HPSE2: variants seen among roughly 807,000 people sequenced by gnomAD.
HPSE2 encodes inactive heparanase-2.
Under a neutral mutation model 60.5 loss-of-function variants are expected in HPSE2, and 38 were observed. The ratio of observed to expected loss-of-function variants is 0.63; its 90% CI spans 0.48 to 0.82. The LOEUF (loss-of-function observed/expected upper bound fraction) is 0.82, where lower values mean the gene tolerates loss of function less well. Ranked by LOEUF, HPSE2 falls within the 40% of genes least tolerant of loss-of-function variation. The pLI is 0.00. For missense variants in HPSE2, 713 were observed against 740.4 expected, an observed-to-expected ratio of 0.96 and a Z score of 0.43; for synonymous variants, 295 against 293.2, an observed-to-expected ratio of 1.01 and a Z score of -0.06.
At chr10:99,211,002 A>G (rs968476020) in intron 2 of HPSE2, among the ~76,000 whole-genome samples, 10 of 152,182 alleles carry the variant, frequency 6.6e-5, no homozygotes, top group Non-Finnish European at 1.5e-4. Flanking sequence ...ACATAATCTT[A>G]TATCTAGAAA....
chr10:98,702,950 A>T (rs1948449661), intron 5 of HPSE2, among the ~76,000 whole-genome samples: 1 of 152,150 alleles, frequency 6.6e-6, no homozygotes, highest in African/African-American at 2.4e-5. Flanking sequence ...ATTGAAGGAG[A>T]TAGATGCATG....
chr10:98,484,811 C>T (rs962965767), intron 10 of HPSE2, among the ~76,000 whole-genome samples: 5 of 152,176 alleles, frequency 3.3e-5, no homozygotes, highest in African/African-American at 1.2e-4. Context: ...TATATGCCTA[C>T]ATGCACTAGC....
intron 3 of HPSE2, among the ~76,000 whole-genome samples, chr10:98,794,532 A>G (rs2134496962): frequency 6.6e-6 from 1 of 152,306 alleles, no homozygotes; most frequent in Non-Finnish European, 1.5e-5. Flanking sequence ...GGCATGAGCC[A>G]CTGCACCTGG....
intron 9 of HPSE2, among the ~76,000 whole-genome samples, chr10:98,495,690 C>T (rs1411426892): frequency 2.2e-5 from 3 of 138,702 alleles, no homozygotes; most frequent in African/African-American, 8.1e-5. Context: ...ATTTCAGTCA[C>T]TATATTTTTC....
chr10:99,153,018 C>T (rs1846343757), intron 2 of HPSE2, among the ~76,000 whole-genome samples: 2 of 152,204 alleles, frequency 1.3e-5, no homozygotes, highest in South Asian at 2.1e-4. Flanking sequence ...CGGGTCAATC[C>T]CATCCAAATA....
chr10:98,891,088 T>C (rs1953323756), intron 3 of HPSE2, among the ~76,000 whole-genome samples: 1 of 152,168 alleles, frequency 6.6e-6, no homozygotes, highest in African/African-American at 2.4e-5. Flanking sequence ...CTTCAAAATT[T>C]TCAGACATAG....
chr10:99,175,327 A>G (rs1847481933), intron 2 of HPSE2, among the ~76,000 whole-genome samples: 1 of 152,158 alleles, frequency 6.6e-6, no homozygotes, highest in Admixed American at 6.5e-5. Context: ...GGTCTAGCTC[A>G]GTGGATCCCA....
At position 99,180,902 on chromosome 10, in the gene HPSE2, A is replaced by C. The variant is rs1319266165; in HGVS notation, c.449-36503T>G. ...AAGACTCCATCTCAAAAAAAAAAAA[A>C]AAAAAAAAAAAAAAAACACAGATGC... On this transcript the variant is annotated intron_variant, in intron 2 of 11. Coordinates refer to ENST00000370552, the MANE Select transcript of HPSE2 (RefSeq NM_021828.5). Among the ~76,000 whole-genome samples the C allele has an allele frequency of 9.6e-4, 142 of 148,514 alleles. 2 individuals carry two copies. The highest frequency in any genetic ancestry group is 3.2e-3 in the African/African-American group (127 of 40,090).
At chr10:98,488,404 A>C (rs952309392) in intron 10 of HPSE2, among the ~76,000 whole-genome samples, 11 of 152,226 alleles carry the variant, frequency 7.2e-5, no homozygotes, top group African/African-American at 2.2e-4. Context: ...ATTAGACACC[A>C]AGAATACAAA....
intron 2 of HPSE2, among the ~76,000 whole-genome samples, chr10:99,229,132 C>A (rs1181114991): frequency 6.6e-6 from 1 of 151,714 alleles, no homozygotes; most frequent in Non-Finnish European, 1.5e-5. Flanking sequence ...CAAGATAATG[C>A]CACTGCCCTC....
intron 3 of HPSE2, among the ~76,000 whole-genome samples, chr10:98,757,949 G>A (rs1949915427): frequency 1.3e-5 from 2 of 152,188 alleles, no homozygotes; most frequent in Non-Finnish European, 2.9e-5. Context: ...ATGCTACAAG[G>A]CTACAAAAAC....
chr10:99,066,709 G>A (rs1410472196), intron 3 of HPSE2, among the ~76,000 whole-genome samples: 1 of 152,104 alleles, frequency 6.6e-6, no homozygotes, highest in Non-Finnish European at 1.5e-5. Context: ...GACACACGGG[G>A]ATTATCACAA....
chr10:98,469,539 G>A (rs1453214621), intron 11 of HPSE2, among the ~76,000 whole-genome samples: 1 of 152,142 alleles, frequency 6.6e-6, no homozygotes, highest in Non-Finnish European at 1.5e-5. Flanking sequence ...TGTCTTCTAA[G>A]AAAACACTGA....
At chr10:98,956,896 A>G (rs1013187357) in intron 3 of HPSE2, among the ~76,000 whole-genome samples, 1 of 152,188 alleles carries the variant, frequency 6.6e-6, no homozygotes, top group African/African-American at 2.4e-5. Context: ...GGTTTCAAAG[A>G]GGAGAACAAG....
intron 11 of HPSE2, among the ~76,000 whole-genome samples, chr10:98,460,378 G>T (rs1365095795): frequency 5.8e-5 from 2 of 34,526 alleles, no homozygotes; most frequent in Non-Finnish European, 1.1e-4. Context: ...TATAATCTCA[G>T]CATTTTGGGA....
chr10:98,818,582 C>T (rs950514531), intron 3 of HPSE2, among the ~76,000 whole-genome samples: 2 of 152,144 alleles, frequency 1.3e-5, no homozygotes, highest in African/African-American at 4.8e-5. Context: ...CTCTAACAGG[C>T]CTCCAAAGCA....
intron 6 of HPSE2, among the ~76,000 whole-genome samples, chr10:98,644,489 A>G (rs1946716840): frequency 6.6e-6 from 1 of 152,180 alleles, no homozygotes; most frequent in Admixed American, 6.5e-5. Context: ...AGGGATGGAG[A>G]TGGCTGTGAT....
At chr10:98,613,322 T>C (rs1945811968) in intron 9 of HPSE2, among the ~76,000 whole-genome samples, 1 of 152,236 alleles carries the variant, frequency 6.6e-6, no homozygotes, top group Non-Finnish European at 1.5e-5. Context: ...GGTTCCATGC[T>C]GAAAACTCTC....
chr10:98,568,918 T>TC (rs1564975792), intron 9 of HPSE2, among the ~76,000 whole-genome samples: 12 of 152,116 alleles, frequency 7.9e-5, no homozygotes, highest in Admixed American at 5.2e-4. Context: ...GGGGTTTTTT[T>TC]GGTGTGATGA....
Sources: allele counts gnomAD v4.1 joint callset (sites outside exome capture counted in the v4.1 genomes callset), GRCh38; gene constraint gnomAD v4.1.1; transcripts MANE v1.5; gene names NCBI Gene and HGNC (gene_info 2026-07-23, HGNC 2026-07-21).